ZSWIM6: variants seen among roughly 807,000 people sequenced by gnomAD.
The protein encoded by ZSWIM6 is zinc finger SWIM-type containing 6.
A neutral mutation model predicts 113.2 loss-of-function variants in ZSWIM6; 9 were observed. The ratio of observed to expected loss-of-function variants is 0.08; its 90% CI spans 0.05 to 0.14. ZSWIM6 has a LOEUF of 0.14. Among genes scored for constraint, ZSWIM6 ranks in the 10% least tolerant of loss-of-function variants. The probability of loss-of-function intolerance (pLI) is 1.00; values close to 1 mark genes in which losing one functional copy is unlikely to be tolerated. For missense variants in ZSWIM6, 1,162 were observed against 1,552.2 expected, an observed-to-expected ratio of 0.75 and a Z score of 4.22; for synonymous variants, 611 against 606.5, an observed-to-expected ratio of 1.01 and a Z score of -0.11.
intron 7 of ZSWIM6, among the ~76,000 whole-genome samples, chr5:61,527,044 T>C (rs1749304065): frequency 1.3e-5 from 2 of 152,218 alleles, no homozygotes; most frequent in African/African-American, 4.8e-5. Context: ...ATTCTGTAAA[T>C]GACATTTGAT....
At chr5:61,508,106 T>C (rs1748675629) in intron 4 of ZSWIM6, among the ~76,000 whole-genome samples, 1 of 152,160 alleles carries the variant, frequency 6.6e-6, no homozygotes, top group South Asian at 2.1e-4. Flanking sequence ...CTTTTTCATG[T>C]GAGGGTGAAA....
At chr5:61,360,840 C>T (rs755625025) in intron 1 of ZSWIM6, among the ~76,000 whole-genome samples, 6 of 152,154 alleles carry the variant, frequency 3.9e-5, no homozygotes, top group Non-Finnish European at 7.3e-5. Flanking sequence ...ACAACTTTGA[C>T]TTCTGTGATG....
At chr5:61,497,840 T>A (rs768242147) in intron 4 of ZSWIM6, among the ~76,000 whole-genome samples, 3 of 152,224 alleles carry the variant, frequency 2.0e-5, no homozygotes, top group Non-Finnish European at 4.4e-5. Context: ...AACACACACC[T>A]CTTGAATTAC....
In ZSWIM6 at chr5:61,521,449, C is replaced by A; in HGVS notation, c.1513+7C>A. ...GGTGCAAATGCCAACCAAGGTGAGT[C>A]TACCATAATGTTCTGCTTAAATTGT... is the stretch of plus-strand genomic sequence containing the variant. On this transcript the variant is annotated splice_region_variant and intron_variant, in intron 5 of 13. Transcript: ENST00000252744. The A allele has an allele frequency of 3.4e-6, 5 of 1,454,430 alleles. No homozygotes were observed. Among genetic ancestry groups the A allele is most frequent in the Non-Finnish European group, 4.6e-6 (5 of 1,096,174 alleles). The allele number at this position is 1,454,430 out of a possible 1,614,324, so 90.1% of individuals were successfully genotyped here. A position where few individuals can be genotyped will look rare whatever the true frequency, so the allele number is the denominator to read the frequency against.
intron 5 of ZSWIM6, 145 bp from the exon 6 acceptor site, chr5:61,525,655 G>A: frequency 1.2e-6 from 1 of 869,412 alleles, no homozygotes. Context: ...GGATGTGAGA[G>A]TATTCACCCT....
chr5:61,354,231 T>G (rs1744851624), intron 1 of ZSWIM6, among the ~76,000 whole-genome samples: 1 of 152,238 alleles, frequency 6.6e-6, no homozygotes, highest in African/African-American at 2.4e-5. Context: ...CCTGTAGCAT[T>G]TGCAGCTTTC....
At chr5:61,501,903 C>A (rs1237966940) in intron 4 of ZSWIM6, among the ~76,000 whole-genome samples, 1 of 152,172 alleles carries the variant, frequency 6.6e-6, no homozygotes, top group Non-Finnish European at 1.5e-5. Context: ...TAGAAAGGTT[C>A]TCTCCCTACT....
intron 1 of ZSWIM6, among the ~76,000 whole-genome samples, chr5:61,357,167 G>A (rs1195747499): frequency 6.6e-6 from 1 of 152,036 alleles, no homozygotes; most frequent in African/African-American, 2.4e-5. Context: ...CAGAACCACT[G>A]GCCTAATGTA....
chr5:61,475,426 A>G (rs1747684888), intron 2 of ZSWIM6, among the ~76,000 whole-genome samples: 1 of 152,212 alleles, frequency 6.6e-6, no homozygotes. Context: ...TGGATGAGAG[A>G]ATGTGTTCAC....
At chr5:61,484,385 A>G (rs1383074039) in intron 2 of ZSWIM6, among the ~76,000 whole-genome samples, 1 of 152,220 alleles carries the variant, frequency 6.6e-6, no homozygotes, top group Non-Finnish European at 1.5e-5. Flanking sequence ...TATTTAGCTC[A>G]GTTTATCAGA....
At chr5:61,526,225 T>G (rs1333378424) in intron 6 of ZSWIM6, 25 bp from the exon 7 acceptor site, 1 of 1,532,158 alleles carries the variant, frequency 6.5e-7, no homozygotes, top group Non-Finnish European at 8.8e-7. Flanking sequence ...AGTGGCAACT[T>G]TACCCCCTTG....
chr5:61,358,443 C>T (rs935769987), intron 1 of ZSWIM6, among the ~76,000 whole-genome samples: 3 of 152,136 alleles, frequency 2.0e-5, no homozygotes, highest in African/African-American at 7.2e-5. Flanking sequence ...CCACAATTTT[C>T]CCACTTGATA....
At chr5:61,411,950 G>T (rs1746155637) in intron 1 of ZSWIM6, among the ~76,000 whole-genome samples, 1 of 152,140 alleles carries the variant, frequency 6.6e-6, no homozygotes, top group Non-Finnish European at 1.5e-5. Context: ...TGAGATTTTA[G>T]GAAATTAATC....
chr5:61,458,476 C>G (rs1747255940), intron 1 of ZSWIM6, among the ~76,000 whole-genome samples: 1 of 152,188 alleles, frequency 6.6e-6, no homozygotes, highest in Non-Finnish European at 1.5e-5. Flanking sequence ...AGGGGAACAT[C>G]TGTTGCCCTT....
intron 1 of ZSWIM6, among the ~76,000 whole-genome samples, chr5:61,457,149 T>G (rs1014071603): frequency 2.0e-5 from 3 of 151,960 alleles, no homozygotes; most frequent in African/African-American, 2.4e-5. Flanking sequence ...AGTGAGAATA[T>G]GCGGTGTTTG....
chr5:61,433,478 T>TG (rs1746629075), intron 1 of ZSWIM6, among the ~76,000 whole-genome samples: 1 of 151,562 alleles, frequency 6.6e-6, no homozygotes, highest in African/African-American at 2.4e-5. Flanking sequence ...CTTAGTTGTT[T>TG]TTTTTTTTTT....
intron 1 of ZSWIM6, among the ~76,000 whole-genome samples, chr5:61,385,172 C>T (rs1745568923): frequency 6.6e-6 from 1 of 152,134 alleles, no homozygotes; most frequent in Non-Finnish European, 1.5e-5. Context: ...TGGCAGAACT[C>T]CATGGACATG....
At chr5:61,378,597 C>T (rs886408316) in intron 1 of ZSWIM6, among the ~76,000 whole-genome samples, 4 of 151,982 alleles carry the variant, frequency 2.6e-5, no homozygotes, top group Non-Finnish European at 5.9e-5. Flanking sequence ...CTCTTGTTGC[C>T]CAGCCTGGAG....
At position 61,545,875 on chromosome 5, in the gene ZSWIM6, G is replaced by A. The variant is rs1376398266; in HGVS notation, c.*1558G>A. On this transcript the variant is annotated 3_prime_UTR_variant, in exon 14 of 14. Coordinates refer to ENST00000252744, the MANE Select transcript of ZSWIM6 (RefSeq NM_020928.2). ...TTTTTAAAGCAATTTTTATGTTTTG[G>A]TGCAAAAGTTGTCCAGTGTCTCTTG... 2.0e-5 allele frequency: 3 copies of A among 151,894 alleles called. No homozygotes were observed. The highest frequency in any genetic ancestry group is 1.3e-4 in the Admixed American group (2 of 15,250). 9.4% of individuals were successfully genotyped at this position (151,894 alleles called of 1,614,324 possible).
Sources: allele counts gnomAD v4.1 joint callset (sites outside exome capture counted in the v4.1 genomes callset), GRCh38; gene constraint gnomAD v4.1.1; transcripts MANE v1.5; gene names NCBI Gene and HGNC (gene_info 2026-07-23, HGNC 2026-07-21).